Variants in CCBE1 observed in about 807,000 individuals in gnomAD.
CCBE1 encodes the protein collagen and calcium-binding EGF domain-containing protein 1.
Under a neutral mutation model 50.0 loss-of-function variants are expected in CCBE1, and 37 were observed. The observed-to-expected ratio is 0.74, with a 90% CI of 0.57 to 0.97. The LOEUF is 0.97. CCBE1 is among the 50% of genes least tolerant of loss of function. The pLI, the probability that CCBE1 is intolerant of heterozygous loss-of-function variation, is 0.00. For missense variants in CCBE1, 538 were observed against 523.8 expected, an observed-to-expected ratio of 1.03 and a Z score of -0.26; for synonymous variants, 234 against 203.7, an observed-to-expected ratio of 1.15 and a Z score of -1.27.
intron 2 of CCBE1, among the ~76,000 whole-genome samples, chr18:59,505,978 T>A (rs1170284928): frequency 6.6e-6 from 1 of 152,206 alleles, no homozygotes; most frequent in African/African-American, 2.4e-5. Flanking sequence ...GTGCAGGAAC[T>A]CAGGGCTGAC....
At chr18:59,478,435 T>C (rs1192172096) in intron 3 of CCBE1, among the ~76,000 whole-genome samples, 20 of 152,322 alleles carry the variant, frequency 1.3e-4, no homozygotes, top group Non-Finnish European at 2.9e-5. Context: ...ATTGACTTTT[T>C]CCCACAGATT....
intron 4 of CCBE1, among the ~76,000 whole-genome samples, chr18:59,468,151 G>A (rs1263376564): frequency 6.6e-6 from 1 of 152,204 alleles, no homozygotes; most frequent in Non-Finnish European, 1.5e-5. Flanking sequence ...GCTTTGGGGG[G>A]GCCAAGACAG....
intron 2 of CCBE1, among the ~76,000 whole-genome samples, chr18:59,515,099 G>T (rs1914311102): frequency 6.6e-6 from 1 of 152,198 alleles, no homozygotes; most frequent in African/African-American, 2.4e-5. Flanking sequence ...ACAGAAGTAA[G>T]AAGTGCAGAG....
intron 7 of CCBE1, 45 bp from the exon 8 acceptor site, chr18:59,439,861 A>C: frequency 6.2e-7 from 1 of 1,608,926 alleles, no homozygotes; most frequent in Non-Finnish European, 8.5e-7. Flanking sequence ...CATGAGAAGG[A>C]CAAAGGGCCC....
intron 2 of CCBE1, among the ~76,000 whole-genome samples, chr18:59,497,585 G>C (rs1291224907): frequency 6.6e-6 from 1 of 152,214 alleles, no homozygotes; most frequent in African/African-American, 2.4e-5. Flanking sequence ...AAAGCATGCA[G>C]AGGCGCTGGT....
At chr18:59,513,174 G>T (rs9748413) in intron 2 of CCBE1, among the ~76,000 whole-genome samples, 39,725 of 152,052 alleles carry the variant, frequency 0.26, 5,401 homozygotes, top group Middle Eastern at 0.34. Context: ...TGGGTGTGGT[G>T]GCAGGCACCT....
chr18:59,442,207 C>T (rs371810763), intron 7 of CCBE1, among the ~76,000 whole-genome samples: 200 of 152,194 alleles, frequency 1.3e-3, no homozygotes, highest in Non-Finnish European at 4.4e-4. Context: ...TTGTTAAACT[C>T]GGTATAGTCT....
chr18:59,557,317 G>A (rs2052668632), intron 2 of CCBE1, among the ~76,000 whole-genome samples: 1 of 152,150 alleles, frequency 6.6e-6, no homozygotes, highest in South Asian at 2.1e-4. Flanking sequence ...GCTGATTTGA[G>A]GGTCGGCACC....
intron 2 of CCBE1, among the ~76,000 whole-genome samples, chr18:59,585,433 G>C (rs1384739026): frequency 1.3e-5 from 2 of 151,156 alleles, no homozygotes; most frequent in Admixed American, 6.6e-5. Flanking sequence ...AATCCTGTTG[G>C]GCTATCACTG....
intron 2 of CCBE1, among the ~76,000 whole-genome samples, chr18:59,553,408 C>T (rs915452791): frequency 1.3e-5 from 2 of 152,190 alleles, no homozygotes; most frequent in African/African-American, 2.4e-5. Flanking sequence ...GATTGCTACA[C>T]ACACACAACC....
intron 2 of CCBE1, among the ~76,000 whole-genome samples, chr18:59,539,707 G>T (rs1915395309): frequency 6.6e-6 from 1 of 152,036 alleles, no homozygotes; most frequent in African/African-American, 2.4e-5. Flanking sequence ...CTTATCTTCT[G>T]GTTCCTTAAA....
At chr18:59,607,850 G>A (rs771999258) in intron 2 of CCBE1, among the ~76,000 whole-genome samples, 3 of 152,298 alleles carry the variant, frequency 2.0e-5, no homozygotes, top group African/African-American at 7.2e-5. Context: ...TGAGGCAGAC[G>A]GATCACCTGA....
In CCBE1 at chr18:59,553,754, G is replaced by A. The variant is rs533240866; in HGVS notation, c.213-73516C>T. Among the ~76,000 whole-genome samples, 306 of 152,328 alleles carry A rather than the reference G, an allele frequency of 2.0e-3. 1 individual carries two copies. The highest frequency in any genetic ancestry group is 7.0e-3 in the African/African-American group (291 of 41,584). ...ATGTCACTGCTGTTTTCAGCTACCCGGGTCAGCCACAGATTCCAAAGTGTT... is the reference window on the plus strand; with the variant it reads ...ATGTCACTGCTGTTTTCAGCTACCCAGGTCAGCCACAGATTCCAAAGTGTT... On this transcript the variant is annotated intron_variant, in intron 2 of 10. Transcript: ENST00000439986.
At chr18:59,640,807 C>A (rs2053977612) in intron 2 of CCBE1, among the ~76,000 whole-genome samples, 1 of 152,066 alleles carries the variant, frequency 6.6e-6, no homozygotes, top group Non-Finnish European at 1.5e-5. Context: ...CCAAACAACC[C>A]CACTAAAAAG....
chr18:59,642,181 G>A (rs890217966), intron 2 of CCBE1, among the ~76,000 whole-genome samples: 3 of 152,128 alleles, frequency 2.0e-5, no homozygotes, highest in Non-Finnish European at 4.4e-5. Context: ...CAATCTGATA[G>A]AGAAATAGGT....
chr18:59,513,189 T>G (rs1299570427), intron 2 of CCBE1, among the ~76,000 whole-genome samples: 1 of 152,080 alleles, frequency 6.6e-6, no homozygotes, highest in Non-Finnish European at 1.5e-5. Context: ...GCACCTGTAG[T>G]CCCAGCTACT....
intron 2 of CCBE1, among the ~76,000 whole-genome samples, chr18:59,528,455 G>A (rs1206981604): frequency 2.6e-5 from 4 of 150,952 alleles, no homozygotes; most frequent in South Asian, 2.1e-4. Context: ...ACCTTCTGAA[G>A]CCTACTTCTG....
upstream of CCBE1, chr18:59,697,565 T>A: frequency 1.7e-6 from 1 of 589,732 alleles, no homozygotes; most frequent in Non-Finnish European, 2.9e-6. Context: ...GAGAAGCAGG[T>A]AAAGGGGGTA....
At chr18:59,477,538 C>CTGTGTGTGTGTGTGTGTGTGTG in intron 3 of CCBE1, among the ~76,000 whole-genome samples, 1 of 149,882 alleles carries the variant, frequency 6.7e-6, no homozygotes, top group East Asian at 2.0e-4. Flanking sequence ...TTCCATGTCT[C>CTGTGTGTGTGTGTGTGTGTGTG]TGTGTGTGTG....
Sources: allele counts gnomAD v4.1 joint callset (sites outside exome capture counted in the v4.1 genomes callset), GRCh38; gene constraint gnomAD v4.1.1; transcripts MANE v1.5; gene names NCBI Gene and HGNC (gene_info 2026-07-23, HGNC 2026-07-21).